Variants in DIAPH3 observed in about 807,000 individuals in gnomAD.
DIAPH3 encodes the protein diaphanous related formin 3, also known as protein diaphanous homolog 3.
In DIAPH3, 117 loss-of-function variants were observed where a neutral mutation model predicts 144.3. The observed-to-expected ratio is 0.81, with a 90% CI of 0.70 to 0.95. DIAPH3 has a LOEUF of 0.95. DIAPH3 is among the 40% of genes least tolerant of loss of function. The pLI is 0.00. For synonymous variants in DIAPH3, 519 were observed against 488.9 expected, an observed-to-expected ratio of 1.06 and a Z score of -0.81; for missense variants, 1,421 against 1,412.7, an observed-to-expected ratio of 1.01 and a Z score of -0.09.
At chr13:59,686,313 C>A (rs1048383819) in intron 27 of DIAPH3, among the ~76,000 whole-genome samples, 1 of 152,000 alleles carries the variant, frequency 6.6e-6, no homozygotes, top group Non-Finnish European at 1.5e-5. Flanking sequence ...TTGCCAGTTA[C>A]TACAGGCCTT....
chr13:59,924,800 T>A lies in DIAPH3; in HGVS notation c.2145A>T (p.Leu715Phe). ...AAAGGTTCTGGGCAATTTTAGAATC[T>A]AAAAACTTAAGTTCTTTAATTTTTT... ...IKKKIKELKF[L>F]DSKIAQNLSI... The change falls in exon 18 of 28, where the codon TTA (leucine) becomes TTT (phenylalanine). Residue 715 changes from leucine to phenylalanine, a missense_variant. Coordinates refer to ENST00000400324, the MANE Select transcript of DIAPH3 (RefSeq NM_001042517.2). 1 of 1,602,352 alleles carries A rather than the reference T, an allele frequency of 6.2e-7. No homozygotes were observed. The highest frequency in any genetic ancestry group is 1.1e-5 in the South Asian group (1 of 90,808).
At chr13:60,094,003 T>C (rs1307610213) in intron 3 of DIAPH3, among the ~76,000 whole-genome samples, 3 of 152,218 alleles carry the variant, frequency 2.0e-5, no homozygotes, top group Admixed American at 6.5e-5. Flanking sequence ...CACATAACTA[T>C]AGATAATTAG....
intron 27 of DIAPH3, among the ~76,000 whole-genome samples, chr13:59,746,004 T>C (rs1372102719): frequency 2.0e-5 from 3 of 152,234 alleles, no homozygotes; most frequent in Admixed American, 2.0e-4. Flanking sequence ...GGGTGTTCTT[T>C]TTAAACAATG....
chr13:59,960,529 C>T lies in DIAPH3; in HGVS notation c.2074+9415G>A, dbSNP rs1373137334. Among the ~76,000 whole-genome samples, 5 of 152,136 alleles carry T rather than the reference C, an allele frequency of 3.3e-5. No homozygotes were observed. In the South Asian group the frequency reaches 6.2e-4, roughly 19 times the overall value. ...AAACCCTTGGGAGAATTTAGCCATA[C>T]GCTTTATCTGGCACTCTTATTTGCC... On this transcript the variant is annotated intron_variant, in intron 17 of 27. Transcript: ENST00000400324.
intron 5 of DIAPH3, 44 bp downstream of exon 5, chr13:60,042,646 C>T (rs761822506): frequency 1.1e-5 from 17 of 1,610,992 alleles, no homozygotes; most frequent in Non-Finnish European, 5.9e-6. Context: ...TAAAAGAACA[C>T]ATTAATGACA....
chr13:59,805,074 C>T (rs1358379824), intron 25 of DIAPH3, among the ~76,000 whole-genome samples: 1 of 152,006 alleles, frequency 6.6e-6, no homozygotes. Context: ...TGAAGTTGCA[C>T]CAAATGAGAC....
chr13:59,949,486 T>A (rs1376189694), intron 17 of DIAPH3, among the ~76,000 whole-genome samples: 1 of 152,140 alleles, frequency 6.6e-6, no homozygotes, highest in African/African-American at 2.4e-5. Flanking sequence ...TAATATAATC[T>A]GAAATAAAAC....
chr13:59,874,019 G>A (rs774224540), intron 21 of DIAPH3, among the ~76,000 whole-genome samples: 12 of 152,092 alleles, frequency 7.9e-5, no homozygotes, highest in Non-Finnish European at 1.6e-4. Flanking sequence ...CGTTTTTGTC[G>A]TGGCTTTGGT....
intron 13 of DIAPH3, among the ~76,000 whole-genome samples, chr13:59,981,079 T>C (rs142836520): frequency 2.0e-5 from 3 of 151,458 alleles, no homozygotes; most frequent in East Asian, 3.9e-4. Flanking sequence ...TCAATAACAA[T>C]TTTAAACTTC....
intron 7 of DIAPH3, among the ~76,000 whole-genome samples, chr13:60,014,058 A>G (rs563591438): frequency 8.5e-5 from 13 of 152,282 alleles, no homozygotes; most frequent in Admixed American, 5.2e-4. Context: ...AATCTTCCTC[A>G]GATTCATTAT....
intron 27 of DIAPH3, among the ~76,000 whole-genome samples, chr13:59,670,004 A>C (rs1330505708): frequency 6.6e-6 from 1 of 152,188 alleles, no homozygotes; most frequent in Non-Finnish European, 1.5e-5. Context: ...TCCAAGGATG[A>C]AATGCCTAGC....
intron 25 of DIAPH3, among the ~76,000 whole-genome samples, chr13:59,781,549 G>C (rs957921291): frequency 1.3e-5 from 2 of 152,146 alleles, no homozygotes; most frequent in African/African-American, 2.4e-5. Flanking sequence ...AGATCACATG[G>C]ATCACATGGG....
At chr13:59,980,771 A>G in intron 14 of DIAPH3, 24 bp downstream of exon 14, 1 of 1,595,138 alleles carries the variant, frequency 6.3e-7, no homozygotes, top group Non-Finnish European at 8.6e-7. Flanking sequence ...ACAGAATACT[A>G]TAAAGTTAGT....
intron 22 of DIAPH3, among the ~76,000 whole-genome samples, chr13:59,848,153 G>C (rs1465395906): frequency 1.3e-5 from 2 of 151,992 alleles, no homozygotes; most frequent in Admixed American, 6.6e-5. Context: ...AACAGCATCA[G>C]AGTGGTTTTA....
At chr13:60,098,537 A>G (rs957570812) in intron 3 of DIAPH3, among the ~76,000 whole-genome samples, 7 of 152,178 alleles carry the variant, frequency 4.6e-5, no homozygotes, top group Non-Finnish European at 1.0e-4. Context: ...TCTGAAAATA[A>G]TTTACTTGAT....
chr13:60,093,918 T>A (rs1186216581), intron 3 of DIAPH3, among the ~76,000 whole-genome samples, 186 bp from the exon 4 acceptor site: 1 of 152,170 alleles, frequency 6.6e-6, no homozygotes, highest in African/African-American at 2.4e-5. Context: ...AAGAAAGTAT[T>A]CTAGATCATT....
chr13:59,831,826 C>T (rs190007025), intron 24 of DIAPH3, among the ~76,000 whole-genome samples: 17 of 152,002 alleles, frequency 1.1e-4, no homozygotes, highest in Admixed American at 1.1e-3. Context: ...TAACCCTTTA[C>T]TGTATAATAA....
chr13:60,073,296 G>A lies in DIAPH3; in HGVS notation c.495+20332C>T, dbSNP rs578032150. 3.3e-5 allele frequency among the ~76,000 whole-genome samples: 5 copies of A among 151,682 alleles called. No individual in the cohort carries two copies. In the South Asian group the frequency reaches 1.0e-3, roughly 32 times the overall value. Reference sequence around the variant, plus strand: ...TGCACTCCAGCCTGGGCAACAGAGCGGGATGTTGTCTCAAAAAAAAAAAAA... The same window carrying A: ...TGCACTCCAGCCTGGGCAACAGAGCAGGATGTTGTCTCAAAAAAAAAAAAA... On this transcript the variant is annotated intron_variant, in intron 4 of 27. Transcript: ENST00000400324.
rs745665013 is a variant in DIAPH3, at chr13:59,812,810, G to C, written c.3028-1887C>G. On this transcript the variant is annotated intron_variant, in intron 24 of 27. Transcript: ENST00000400324. ...ACAGGGAGGTTAGATTTTCTTTTAA[G>C]CGTTCTGGAAAATGACTAGAGATTT... Among the ~76,000 whole-genome samples, 72 of 152,120 alleles carry C rather than the reference G, an allele frequency of 4.7e-4. 2 individuals carry two copies. Among genetic ancestry groups the C allele is most frequent in the Non-Finnish European group, 1.3e-4 (9 of 68,014 alleles).
Sources: allele counts gnomAD v4.1 joint callset (sites outside exome capture counted in the v4.1 genomes callset), GRCh38; gene constraint gnomAD v4.1.1; transcripts MANE v1.5; gene names NCBI Gene and HGNC (gene_info 2026-07-23, HGNC 2026-07-21).